Variants in EFCAB6 observed in about 807,000 individuals in gnomAD.
EFCAB6 encodes EF-hand calcium binding domain 6, also known as EF-hand calcium-binding domain-containing protein 6.
In EFCAB6, 156 loss-of-function variants were observed where a neutral mutation model predicts 169.8. The observed-to-expected ratio is 0.92, with a 90% CI of 0.81 to 1.05. EFCAB6 has a LOEUF of 1.05. EFCAB6 is among the 50% of genes least tolerant of loss of function. EFCAB6 has a pLI of 0.00. For missense variants in EFCAB6, 1,800 were observed against 1,829.1 expected (o/e 0.98, Z 0.29); for synonymous variants, 698 against 676.4 (o/e 1.03, Z -0.50).
Position 43,795,137 on chromosome 22 carries a change from A to G in EFCAB6, c.-7-12812T>C, listed in dbSNP as rs1020657922. On this transcript the variant is annotated intron_variant, in intron 2 of 31. Transcript: ENST00000262726. This position sits in a 1 kb window ranked among gnomAD's most constrained non-coding sequence, Gnocchi z 4.2. ...AAACCTAGAAATCAAATGAAAAACAACAAACTGCGGAAAGTGAATATATTT... is the reference window on the plus strand; with the variant it reads ...AAACCTAGAAATCAAATGAAAAACAGCAAACTGCGGAAAGTGAATATATTT... 3.9e-5 allele frequency among the ~76,000 whole-genome samples: 6 copies of G among 152,220 alleles called. No homozygotes were observed. The highest frequency in any genetic ancestry group is 1.4e-4 in the African/African-American group (6 of 41,456).
intron 7 of EFCAB6, among the ~76,000 whole-genome samples, chr22:43,735,348 GCCGCACA>G (rs2060094745): frequency 1.1e-5 from 1 of 94,522 alleles, no homozygotes; most frequent in African/African-American, 4.3e-5. Context: ...CCACCCTCCT[GCCGCACA>G]CCCCTCCACC....
chr22:43,567,448 C>T (rs1427923599), intron 26 of EFCAB6, among the ~76,000 whole-genome samples: 1 of 152,130 alleles, frequency 6.6e-6, no homozygotes, highest in Non-Finnish European at 1.5e-5. Flanking sequence ...CATGCACTCA[C>T]CGAAATAGGA....
At chr22:43,544,643 G>A (rs575587132) in intron 27 of EFCAB6, among the ~76,000 whole-genome samples, 13 of 152,026 alleles carry the variant, frequency 8.6e-5, no homozygotes, top group Admixed American at 3.9e-4. Context: ...TGGCTGCCAC[G>A]TTCTTGGACG....
intron 5 of EFCAB6, among the ~76,000 whole-genome samples, chr22:43,763,181 G>A (rs890202816): frequency 6.6e-6 from 1 of 152,078 alleles, no homozygotes; most frequent in Non-Finnish European, 1.5e-5. Flanking sequence ...TGGGATTACA[G>A]GCACGCACCA....
chr22:43,693,558 T>C (rs188767283), intron 10 of EFCAB6, among the ~76,000 whole-genome samples: 42 of 147,066 alleles, frequency 2.9e-4, no homozygotes, highest in African/African-American at 1.1e-3. Flanking sequence ...GAACAGAAAA[T>C]AAAAATCATG....
intron 5 of EFCAB6, chr22:43,759,173 CACATCT>C (rs2061063048): frequency 6.6e-6 from 1 of 152,272 alleles, no homozygotes; most frequent in South Asian, 2.1e-4. Context: ...AAGTCAGCTT[CACATCT>C]ACTCTGTGAA....
intron 22 of EFCAB6, among the ~76,000 whole-genome samples, chr22:43,603,681 G>A (rs5764682): frequency 0.23 from 35,147 of 152,254 alleles, 5,288 homozygotes; most frequent in East Asian, 0.62. Context: ...AGAATGAGGA[G>A]GTGTGGTATA....
chr22:43,714,061 C>T (rs2059248941), intron 9 of EFCAB6, among the ~76,000 whole-genome samples: 1 of 151,954 alleles, frequency 6.6e-6, no homozygotes, highest in Non-Finnish European at 1.5e-5. Context: ...GATAAAATAA[C>T]TTTTTAGAAA....
chr22:43,747,699 T>G (rs2060615306), intron 6 of EFCAB6, among the ~76,000 whole-genome samples: 1 of 152,140 alleles, frequency 6.6e-6, no homozygotes. Flanking sequence ...CTTCTGTTCA[T>G]TCATGAATTC....
At chr22:43,743,905 T>C (rs1207902188) in intron 6 of EFCAB6, among the ~76,000 whole-genome samples, 1 of 148,174 alleles carries the variant, frequency 6.7e-6, no homozygotes, top group Non-Finnish European at 1.5e-5. Flanking sequence ...GATGGATGGG[T>C]GGGTGGGTGG....
chr22:43,636,735 C>T (rs887692206), intron 17 of EFCAB6, among the ~76,000 whole-genome samples: 29 of 151,490 alleles, frequency 1.9e-4, no homozygotes, highest in African/African-American at 6.6e-4. Flanking sequence ...CTCAGCCTCC[C>T]GAGTAGCTGG....
intron 6 of EFCAB6, among the ~76,000 whole-genome samples, chr22:43,754,635 C>G (rs2060890161): frequency 6.6e-6 from 1 of 152,168 alleles, no homozygotes; most frequent in African/African-American, 2.4e-5. Context: ...AATGGAGTTC[C>G]ATTTCAGATT....
chr22:43,748,013 G>A (rs2060624585), intron 6 of EFCAB6, among the ~76,000 whole-genome samples: 2 of 152,184 alleles, frequency 1.3e-5, no homozygotes, highest in Admixed American at 1.3e-4. Flanking sequence ...GTTTCTGGAG[G>A]ACAAGAATCA....
intron 26 of EFCAB6, among the ~76,000 whole-genome samples, chr22:43,565,014 A>AG (rs1432644197): frequency 6.6e-6 from 1 of 152,130 alleles, no homozygotes; most frequent in African/African-American, 2.4e-5. Context: ...GCCCTTTGCC[A>AG]GGGGGGGCTT....
intron 13 of EFCAB6, among the ~76,000 whole-genome samples, chr22:43,675,665 A>C (rs1355570638): frequency 1.4e-5 from 2 of 147,234 alleles, no homozygotes; most frequent in East Asian, 3.9e-4. Context: ...ATATATAATA[A>C]TTCCATTTCT....
At chr22:43,581,405 C>CAAGG (rs138440651) in intron 24 of EFCAB6, among the ~76,000 whole-genome samples, 17,514 of 152,098 alleles carry the variant, frequency 0.12, 1,325 homozygotes, top group South Asian at 0.22. Context: ...GATGGCTCAG[C>CAAGG]AAGGACATCC....
At chr22:43,691,516 G>T (rs1354734826) in intron 10 of EFCAB6, among the ~76,000 whole-genome samples, 1 of 151,890 alleles carries the variant, frequency 6.6e-6, no homozygotes, top group African/African-American at 2.4e-5. Flanking sequence ...AAAAATCTAG[G>T]CATGCGCTTA....
intron 30 of EFCAB6, among the ~76,000 whole-genome samples, chr22:43,532,698 G>A (rs1273548875): frequency 1.3e-5 from 2 of 152,100 alleles, no homozygotes; most frequent in Non-Finnish European, 2.9e-5. Context: ...AAAACTAGCT[G>A]TGAAGAAACT....
At chr22:43,530,736 G>A in intron 31 of EFCAB6, 79 bp downstream of exon 31, 3 of 1,590,098 alleles carry the variant, frequency 1.9e-6, no homozygotes, top group South Asian at 1.1e-5. Flanking sequence ...CAGGTAGAGG[G>A]CTCCCCGTGG....
Sources: gnomAD v4.1 joint callset for allele counts (sites outside exome capture counted in the v4.1 genomes callset) on GRCh38, gnomAD v4.1.1 for gene constraint, Gnocchi (gnomAD v3.1) non-coding constraint, MANE v1.5 for transcripts, NCBI Gene and HGNC (gene_info 2026-07-23, HGNC 2026-07-21) for gene names.